ARL13B: variants seen among roughly 807,000 people sequenced by gnomAD.
ARL13B encodes the protein ARF like GTPase 13B.
A neutral mutation model predicts 56.1 loss-of-function variants in ARL13B; 36 were observed. That is an observed-to-expected ratio of 0.64 (90% CI 0.49 to 0.85). The LOEUF (loss-of-function observed/expected upper bound fraction) is 0.85, where lower values mean the gene tolerates loss of function less well. Ranked by LOEUF, ARL13B falls within the 40% of genes least tolerant of loss-of-function variation. ARL13B has a pLI of 0.00. For synonymous variants in ARL13B, 178 were observed against 171.1 expected (o/e 1.04, Z -0.32); for missense variants, 519 against 507.1 (o/e 1.02, Z -0.23).
intron 3 of ARL13B, among the ~76,000 whole-genome samples, chr3:94,004,250 T>A (rs1353956695): frequency 6.6e-6 from 1 of 152,162 alleles, no homozygotes; most frequent in Non-Finnish European, 1.5e-5. Context: ...TTTAGTAACT[T>A]GTATTTTGCT....
chr3:94,010,724 ATTGCT>A (rs2076209967), intron 3 of ARL13B, among the ~76,000 whole-genome samples: 1 of 152,092 alleles, frequency 6.6e-6, no homozygotes, highest in African/African-American at 2.4e-5. Flanking sequence ...TTTCTGATAC[ATTGCT>A]TTGTGATGAT....
rs192242208 is a variant in ARL13B at position 94,040,251 on chromosome 3, T to C, written c.798+263T>C. On this transcript the variant is annotated intron_variant, in intron 6 of 9. Coordinates refer to ENST00000394222, the MANE Select transcript of ARL13B (RefSeq NM_001174150.2). ...ATAAATTTGACTGTAGCAATTATTA[T>C]AGTTGCTGTGTTGACAAATCTATTC... Among the ~76,000 whole-genome samples, 4 of 152,366 alleles carry C rather than the reference T, an allele frequency of 2.6e-5. No individual in the cohort carries two copies. The East Asian group carries it at 5.8e-4, about 22-fold the overall frequency.
intron 3 of ARL13B, among the ~76,000 whole-genome samples, chr3:94,028,083 A>AT (rs2076595067): frequency 6.6e-6 from 1 of 152,130 alleles, no homozygotes; most frequent in South Asian, 2.1e-4. Context: ...ACTTTCTAGT[A>AT]TTTTTTAAAT....
At chr3:93,986,578 A>G (rs1296877991) in intron 1 of ARL13B, among the ~76,000 whole-genome samples, 1 of 152,194 alleles carries the variant, frequency 6.6e-6, no homozygotes, top group East Asian at 1.9e-4. Flanking sequence ...GTAGTTTTAA[A>G]TACTGTAGAT....
At chr3:94,052,584 A>G (rs2077083627) in intron 9 of ARL13B, among the ~76,000 whole-genome samples, 1 of 152,122 alleles carries the variant, frequency 6.6e-6, no homozygotes, top group South Asian at 2.1e-4. Flanking sequence ...ATGTGCATTG[A>G]GTGGGTAAGA....
chr3:94,043,367 AT>A, intron 7 of ARL13B, 127 bp downstream of exon 7: 1 of 844,002 alleles, frequency 1.2e-6, no homozygotes, highest in Non-Finnish European at 1.8e-6. Flanking sequence ...CAAATGCCAT[AT>A]TTACCATGAT....
chr3:94,051,463 A>G (rs2077066310), intron 9 of ARL13B, among the ~76,000 whole-genome samples: 1 of 152,158 alleles, frequency 6.6e-6, no homozygotes, highest in Admixed American at 6.5e-5. Context: ...TGAATATAAC[A>G]TACGCTATAG....
chr3:94,031,847 A>G (rs948922304), intron 3 of ARL13B, among the ~76,000 whole-genome samples: 1 of 152,220 alleles, frequency 6.6e-6, no homozygotes, highest in Non-Finnish European at 1.5e-5. Context: ...TGATGGGTAC[A>G]GCGATGCTAG....
chr3:93,994,324 G>A (rs2075928033), intron 1 of ARL13B, among the ~76,000 whole-genome samples: 2 of 152,048 alleles, frequency 1.3e-5, no homozygotes, highest in Non-Finnish European at 2.9e-5. Context: ...TCTCCTTCAA[G>A]TCTTTCCTCA....
chr3:94,034,269 A>G (rs1485642838), intron 3 of ARL13B, among the ~76,000 whole-genome samples: 3 of 152,106 alleles, frequency 2.0e-5, no homozygotes, highest in African/African-American at 7.2e-5. Context: ...AGAATGACAC[A>G]GTTTTGATAA....
chr3:94,046,684 CT>C (rs1216428084), intron 7 of ARL13B, among the ~76,000 whole-genome samples: 5 of 152,080 alleles, frequency 3.3e-5, no homozygotes, highest in African/African-American at 1.2e-4. Flanking sequence ...AATTTAACAT[CT>C]TAAGGTTTTT....
chr3:94,015,976 G>T (rs545333312), intron 3 of ARL13B, among the ~76,000 whole-genome samples: 17 of 152,096 alleles, frequency 1.1e-4, no homozygotes, highest in Admixed American at 1.0e-3. Context: ...TTTGTGTTAG[G>T]TGATACTTTT....
chr3:93,990,157 A>G (rs1219335843), intron 1 of ARL13B, among the ~76,000 whole-genome samples: 2 of 152,076 alleles, frequency 1.3e-5, no homozygotes, highest in Non-Finnish European at 2.9e-5. Flanking sequence ...GGTGGGCGCC[A>G]CCAAGCCTGG....
intron 3 of ARL13B, among the ~76,000 whole-genome samples, chr3:94,031,663 G>C (rs1315619985): frequency 2.0e-5 from 3 of 152,054 alleles, no homozygotes; most frequent in African/African-American, 7.2e-5. Flanking sequence ...CTCAAAATAA[G>C]AAAAAGTACC....
chr3:94,014,258 A>G, intron 3 of ARL13B: 2 of 754,732 alleles, frequency 2.6e-6, no homozygotes, highest in South Asian at 8.8e-5. Flanking sequence ...GTTAAAGGGG[A>G]AAATTACAAC....
chr3:94,000,201 A>G (rs184882021), intron 2 of ARL13B, among the ~76,000 whole-genome samples: 3 of 152,242 alleles, frequency 2.0e-5, no homozygotes, highest in East Asian at 1.9e-4. Context: ...GGTACCTCAC[A>G]TTGTTAGTTT....
At chr3:94,049,574 GAGA>G in intron 8 of ARL13B, 52 bp downstream of exon 8, 1 of 977,396 alleles carries the variant, frequency 1.0e-6, no homozygotes, top group Non-Finnish European at 1.4e-6. Flanking sequence ...TTAAACAACA[GAGA>G]AAAAAAAAAA....
intron 1 of ARL13B, among the ~76,000 whole-genome samples, chr3:93,982,989 T>C (rs1710291444): frequency 6.6e-6 from 1 of 152,222 alleles, no homozygotes; most frequent in Non-Finnish European, 1.5e-5. Context: ...ATTATGTATA[T>C]ATTTGTTTTC....
chr3:94,045,992 A>G (rs909475431), intron 7 of ARL13B, among the ~76,000 whole-genome samples: 3 of 151,738 alleles, frequency 2.0e-5, no homozygotes, highest in African/African-American at 7.2e-5. Flanking sequence ...ATACTATAAA[A>G]TAAAACCACA....
Sources: allele counts gnomAD v4.1 joint callset (sites outside exome capture counted in the v4.1 genomes callset), GRCh38; gene constraint gnomAD v4.1.1; transcripts MANE v1.5; gene names NCBI Gene and HGNC (gene_info 2026-07-23, HGNC 2026-07-21).